The following ZW10 variants were observed in gnomAD, a reference collection of about 807,000 sequenced individuals.
ZW10 encodes zw10 kinetochore protein, also known as centromere/kinetochore protein zw10 homolog.
ZW10 carries 53 observed loss-of-function variants against 87.8 expected under a neutral mutation model. That is an observed-to-expected ratio of 0.60 (90% CI 0.48 to 0.76). The LOEUF (loss-of-function observed/expected upper bound fraction) is 0.76. Ranked by LOEUF, ZW10 falls within the 30% of genes least tolerant of loss-of-function variation. ZW10 has a pLI of 0.00. For missense variants in ZW10, 837 were observed against 923.0 expected (o/e 0.91, Z 1.21); for synonymous variants, 312 against 329.2 (o/e 0.95, Z 0.57).
At position 113,772,945 on chromosome 11, in the gene ZW10, C is replaced by A. The variant is rs552880682; in HGVS notation, c.105+617G>T. 8.6e-5 allele frequency among the ~76,000 whole-genome samples: 13 copies of A among 151,978 alleles called. No individual in the cohort carries two copies. In the South Asian group the frequency reaches 2.7e-3, roughly 32 times the overall value. On this transcript the variant is annotated intron_variant, in intron 1 of 15. Transcript: ENST00000200135. ...GAGGTCGCGGTGAGCCGAGATCACT[C>A]CAGCCTGGGCGACAGAGCAAGACTC...
chr11:113,767,695 T>A (rs190757567), intron 2 of ZW10, among the ~76,000 whole-genome samples: 2 of 152,272 alleles, frequency 1.3e-5, no homozygotes, highest in East Asian at 3.9e-4. Context: ...AAAACCTCTA[T>A]GGGTTCCACA....
Position 113,741,778 on chromosome 11 carries a change from C to T in ZW10, c.1512-13G>A. On this transcript the variant is annotated splice_polypyrimidine_tract_variant and intron_variant, in intron 10 of 15. Coordinates refer to ENST00000200135, the MANE Select transcript of ZW10 (RefSeq NM_004724.4). The stretch of plus-strand genomic sequence containing the variant: ...AAGTTGAACAGCACTAAAAAGAAAA[C>T]ATAGACTTAACAGAAATGCCTAAGA... 1 of 1,585,884 alleles carries T rather than the reference C, an allele frequency of 6.3e-7. No individual in the cohort carries two copies. Among genetic ancestry groups the T allele is most frequent in the African/African-American group, 1.4e-5 (1 of 73,900 alleles).
At chr11:113,739,702 C>T (rs530893890) in intron 11 of ZW10, among the ~76,000 whole-genome samples, 3 of 152,182 alleles carry the variant, frequency 2.0e-5, no homozygotes, top group South Asian at 2.1e-4. Context: ...AAATTTTACA[C>T]GGATACATCT....
At chr11:113,742,931 G>A (rs1168317567) in intron 10 of ZW10, among the ~76,000 whole-genome samples, 1 of 152,078 alleles carries the variant, frequency 6.6e-6, no homozygotes, top group Non-Finnish European at 1.5e-5. Flanking sequence ...AATTTGATTG[G>A]GCCAAACCCT....
chr11:113,769,902 C>A (rs1262756361), intron 1 of ZW10: 2 of 314,990 alleles, frequency 6.3e-6, no homozygotes, highest in African/African-American at 4.7e-5. Flanking sequence ...AATGAGGCTT[C>A]CCTGACCAAA....
chr11:113,752,366 G>T (rs1053919988), intron 7 of ZW10, among the ~76,000 whole-genome samples: 3 of 151,962 alleles, frequency 2.0e-5, no homozygotes, highest in Non-Finnish European at 2.9e-5. Context: ...TGAAGCCCTA[G>T]CCCCCAATGT....
chr11:113,746,511 AAAAAC>A (rs1182178796), intron 9 of ZW10, among the ~76,000 whole-genome samples: 13 of 150,692 alleles, frequency 8.6e-5, no homozygotes, highest in Admixed American at 2.7e-4. Context: ...AAAAAAAAAA[AAAAAC>A]AACAACAAAA....
rs1238822729 is a variant in ZW10 at position 113,733,728 on chromosome 11, T to A, written c.2306A>T (p.Glu769Val). Residue 769 changes from glutamate (E) to valine (V), a missense_variant, in exon 16 of 16, where the codon GAA becomes GTA. Transcript: ENST00000200135. ...TTTAGCAAGGGCAGCTGCTCTTCTT[T>A]CTGTGTTCTGAAACAAGGCACGAAT... ...ALIRALFQNT[E>V]RRAAALAKIK The A allele has an allele frequency of 6.2e-7, 1 of 1,614,124 alleles. No homozygotes were observed. Among genetic ancestry groups the A allele is most frequent in the South Asian group, 1.1e-5 (1 of 91,076 alleles).
chr11:113,758,778 C>A, intron 5 of ZW10, 72 bp from the exon 6 acceptor site: 1 of 1,427,354 alleles, frequency 7.0e-7, no homozygotes, highest in South Asian at 1.2e-5. Context: ...CCTCAGAGCT[C>A]ATTCTCTGAT....
At chr11:113,761,652 A>G (rs1446104047) in intron 2 of ZW10, among the ~76,000 whole-genome samples, 1 of 152,146 alleles carries the variant, frequency 6.6e-6, no homozygotes, top group Admixed American at 6.6e-5. Flanking sequence ...TACATGATCA[A>G]TTATTCCCTC....
intron 1 of ZW10, among the ~76,000 whole-genome samples, chr11:113,772,799 T>C (rs1591426994): frequency 7.5e-6 from 1 of 132,906 alleles, no homozygotes; most frequent in South Asian, 2.4e-4. Context: ...ATGGTGAAAC[T>C]CCGTCTGTAC....
chr11:113,742,240 C>T (rs1290613559), intron 10 of ZW10, among the ~76,000 whole-genome samples: 1 of 152,188 alleles, frequency 6.6e-6, no homozygotes, highest in Non-Finnish European at 1.5e-5. Context: ...ATCAACATTT[C>T]TAGGATAGAA....
At chr11:113,739,463 A>G in intron 11 of ZW10, 81 bp from the exon 12 acceptor site, 3 of 1,272,042 alleles carry the variant, frequency 2.4e-6, no homozygotes, top group Non-Finnish European at 3.3e-6. Context: ...AACTTCTCTA[A>G]TGTATTTCTA....
intron 6 of ZW10, 130 bp downstream of exon 6, chr11:113,758,424 C>T: frequency 1.4e-6 from 1 of 708,664 alleles, no homozygotes; most frequent in African/African-American, 1.8e-5. Context: ...GGACAATTCT[C>T]TTTGATGAAT....
intron 1 of ZW10, chr11:113,769,957 C>T: frequency 4.0e-6 from 1 of 252,020 alleles, no homozygotes; most frequent in Non-Finnish European, 8.3e-6. Context: ...TGGGATACTG[C>T]CTGATCACCC....
intron 7 of ZW10, among the ~76,000 whole-genome samples, chr11:113,754,113 G>A (rs150901333): frequency 1.3e-4 from 20 of 152,300 alleles, no homozygotes; most frequent in African/African-American, 3.8e-4. Context: ...AGCTTCAAAC[G>A]ATAGGCTGAC....
chr11:113,749,205 C>T lies in ZW10; in HGVS notation c.926-785G>A, dbSNP rs542315154. On this transcript the variant is annotated intron_variant, in intron 7 of 15. Transcript: ENST00000200135. ...ACACAAACACACACACACACACACA[C>T]GCCTTAGAAGAAAGTGAACATATTA... Among the ~76,000 whole-genome samples the T allele has an allele frequency of 5.9e-4, 89 of 152,042 alleles. 1 individual carries two copies. Among genetic ancestry groups the T allele is most frequent in the Admixed American group, 1.1e-3 (17 of 15,264 alleles).
intron 11 of ZW10, among the ~76,000 whole-genome samples, chr11:113,740,172 C>T (rs927796216): frequency 1.7e-4 from 24 of 144,512 alleles, no homozygotes; most frequent in Admixed American, 1.5e-3. Context: ...ACATCAGAAT[C>T]ACCTGTGGGG....
At chr11:113,760,462 G>A in intron 4 of ZW10, 51 bp downstream of exon 4, 1 of 1,604,084 alleles carries the variant, frequency 6.2e-7, no homozygotes, top group Non-Finnish European at 8.5e-7. Context: ...AAAATTTACT[G>A]AAAACAAGAA....
Sources: allele counts gnomAD v4.1 joint callset (sites outside exome capture counted in the v4.1 genomes callset), GRCh38; gene constraint gnomAD v4.1.1; transcripts MANE v1.5; gene names NCBI Gene and HGNC (gene_info 2026-07-23, HGNC 2026-07-21).